The following SEPTIN9 variants were observed in gnomAD, a reference collection of about 807,000 sequenced individuals.
SEPTIN9 encodes septin-9.
In SEPTIN9, 13 loss-of-function variants were observed where a neutral mutation model predicts 56.6. The observed-to-expected ratio is 0.23, with a 90% CI of 0.15 to 0.37. The LOEUF (loss-of-function observed/expected upper bound fraction) is 0.37. Among genes scored for constraint, SEPTIN9 ranks in the 10% least tolerant of loss-of-function variants. The probability of loss-of-function intolerance (pLI) is 1.00; values close to 1 mark genes in which losing one functional copy is unlikely to be tolerated. For missense variants in SEPTIN9, 650 were observed against 823.1 expected (o/e 0.79, Z 2.57); for synonymous variants, 332 against 334.1 (o/e 0.99, Z 0.07).
At chr17:77,346,290 T>A (rs1415884352) in intron 2 of SEPTIN9, among the ~76,000 whole-genome samples, 19 of 144,048 alleles carry the variant, frequency 1.3e-4, no homozygotes, top group Non-Finnish European at 1.5e-4. Context: ...TTTTTTTTTT[T>A]TTTTTTTTTT....
intron 10 of SEPTIN9, among the ~76,000 whole-genome samples, chr17:77,496,637 G>C (rs1017864221): frequency 3.3e-5 from 5 of 152,260 alleles, no homozygotes; most frequent in Admixed American, 2.6e-4. Flanking sequence ...GTGGTCTCCT[G>C]CCCAGTCTCC....
chr17:77,292,559 TC>T (rs2031612990), intron 1 of SEPTIN9, among the ~76,000 whole-genome samples: 1 of 151,794 alleles, frequency 6.6e-6, no homozygotes, highest in Non-Finnish European at 1.5e-5. Context: ...AGTGGTGAGA[TC>T]CCAGCTCACT....
chr17:77,411,642 C>T (rs939628898), intron 3 of SEPTIN9, among the ~76,000 whole-genome samples: 1 of 151,726 alleles, frequency 6.6e-6, no homozygotes, highest in East Asian at 2.0e-4. Context: ...CCTTGAGATC[C>T]GCCCACCTCG....
chr17:77,383,194 C>CTCCT (rs1265029780), intron 2 of SEPTIN9, among the ~76,000 whole-genome samples: 8 of 151,204 alleles, frequency 5.3e-5, no homozygotes. Flanking sequence ...CTCTCCCTCC[C>CTCCT]TCCCTCTTGC....
chr17:77,307,984 G>A (rs1181297546), intron 2 of SEPTIN9, among the ~76,000 whole-genome samples: 2 of 152,224 alleles, frequency 1.3e-5, no homozygotes, highest in Non-Finnish European at 2.9e-5. Flanking sequence ...TAGTGCCTCT[G>A]TTTCTGGGAG....
At chr17:77,410,226 C>T (rs1264562310) in intron 3 of SEPTIN9, among the ~76,000 whole-genome samples, 5 of 152,122 alleles carry the variant, frequency 3.3e-5, no homozygotes, top group Non-Finnish European at 7.4e-5. Flanking sequence ...CTCCCCTGAC[C>T]CTGTCCCCCC....
chr17:77,283,406 G>T (rs1249183848), intron 1 of SEPTIN9, among the ~76,000 whole-genome samples: 1 of 152,036 alleles, frequency 6.6e-6, no homozygotes, highest in Non-Finnish European at 1.5e-5. Context: ...AGTGGGACTG[G>T]AGGGGGCTGA....
In SEPTIN9 at chr17:77,319,510, G is replaced by T. The variant is rs2032825410; in HGVS notation, c.76+12313G>T. On this transcript the variant is annotated intron_variant, in intron 2 of 11. Transcript: ENST00000427177. This position sits in a 1 kb window ranked among gnomAD's most constrained non-coding sequence, Gnocchi z 5.3. ...CGCCCTCTCTGCCTGGGCGGGGACG[G>T]CAACTGCCTCTGTCACTGCAGACTA... 3.8e-6 allele frequency: 4 copies of T among 1,039,268 alleles called. No homozygotes were observed. The highest frequency in any genetic ancestry group is 3.4e-5 in the African/African-American group (2 of 59,680). 64.4% of individuals were successfully genotyped at this position (1,039,268 alleles called of 1,614,324 possible).
intron 11 of SEPTIN9, chr17:77,497,647 C>T (rs1340704049): frequency 9.7e-5 from 52 of 536,502 alleles, no homozygotes; most frequent in Admixed American, 3.1e-5. Context: ...TAGAGCTGCC[C>T]GGTGGCCACT....
intron 3 of SEPTIN9, among the ~76,000 whole-genome samples, chr17:77,481,390 A>G (rs1399378988): frequency 7.3e-6 from 1 of 137,704 alleles, no homozygotes; most frequent in Non-Finnish European, 1.6e-5. Flanking sequence ...GGGGAGGCAG[A>G]TGTGGTGCAG....
chr17:77,295,078 C>T (rs139828686), intron 1 of SEPTIN9, among the ~76,000 whole-genome samples: 17 of 152,300 alleles, frequency 1.1e-4, no homozygotes, highest in Admixed American at 2.6e-4. Flanking sequence ...AGCAAGCCTC[C>T]GTTTCCACCT....
At chr17:77,316,957 G>A (rs1030658534) in intron 2 of SEPTIN9, among the ~76,000 whole-genome samples, 1 of 152,082 alleles carries the variant, frequency 6.6e-6, no homozygotes, top group African/African-American at 2.4e-5. Flanking sequence ...AACCAACAAG[G>A]AATATTATTT....
rs2035449239 is a variant in SEPTIN9, at chr17:77,389,250, G to T, written c.77-12809G>T. 6.6e-6 allele frequency among the ~76,000 whole-genome samples: 1 copy of T among 152,134 alleles called. No individual in the cohort carries two copies. Among genetic ancestry groups the T allele is most frequent in the Non-Finnish European group, 1.5e-5 (1 of 68,004 alleles). ...AGAGTCTGCTGTTGTTGGAGGGTCG[G>T]AAGTAGAGGGGAAGGAGGGGCACGC... is the stretch of plus-strand genomic sequence containing the variant. On this transcript the variant is annotated intron_variant, in intron 2 of 11. Transcript: ENST00000427177. This position sits in a 1 kb window ranked among gnomAD's most constrained non-coding sequence, Gnocchi z 4.3.
rs992885740 is a variant in SEPTIN9 at position 77,286,124 on chromosome 17, G to T, written c.19+4570G>T. Among the ~76,000 whole-genome samples, 126 of 152,254 alleles carry T rather than the reference G, an allele frequency of 8.3e-4. 1 individual carries two copies. The highest frequency in any genetic ancestry group is 2.6e-3 in the African/African-American group (108 of 41,460). ...CTGGAGAGAAAAAGCCACCTCGTAC[G>T]GTTAGTCTGTGGCTCTGTCTGACTT... On this transcript the variant is annotated intron_variant, in intron 1 of 11. Transcript: ENST00000427177.
chr17:77,475,403 C>T lies in SEPTIN9; in HGVS notation c.722-6741C>T, dbSNP rs1285498242. 4.1e-6 allele frequency: 6 copies of T among 1,456,436 alleles called. No individual in the cohort carries two copies. Among genetic ancestry groups the T allele is most frequent in the East Asian group, 4.9e-5 (2 of 40,926 alleles). 90.2% of individuals were successfully genotyped at this position (1,456,436 alleles called of 1,614,324 possible). ...AGATAGGAGAGGAGGAGGGAGCAGCCCTGGCCGGACACTGTCCTCCTAGCA... is the reference window on the plus strand; with the variant it reads ...AGATAGGAGAGGAGGAGGGAGCAGCTCTGGCCGGACACTGTCCTCCTAGCA... On this transcript the variant is annotated intron_variant, in intron 3 of 11. Transcript: ENST00000427177. This position sits in a 1 kb window ranked among gnomAD's most constrained non-coding sequence, Gnocchi z 4.6.
At chr17:77,373,793 T>G in intron 2 of SEPTIN9, 1 of 630,564 alleles carries the variant, frequency 1.6e-6, no homozygotes, top group Non-Finnish European at 2.4e-6. Context: ...CACAGGACCC[T>G]GTGCTCGTTC....
In SEPTIN9 at chr17:77,498,847, C is replaced by T; in HGVS notation, c.*189C>T. The T allele has an allele frequency of 1.6e-6, 1 of 626,682 alleles. No individual in the cohort carries two copies. The highest frequency in any genetic ancestry group is 1.5e-5 in the South Asian group (1 of 65,844). The allele number at this position is 626,682 out of a possible 1,614,324, so 38.8% of individuals were successfully genotyped here. ...TGAGTCAGTGATGAGGCCGCGGCCTCCCCGAGGTTGTGGGGAGGCTGCACT... is the reference window on the plus strand; with the variant it reads ...TGAGTCAGTGATGAGGCCGCGGCCTTCCCGAGGTTGTGGGGAGGCTGCACT... On this transcript the variant is annotated 3_prime_UTR_variant, in exon 12 of 12. Coordinates refer to ENST00000427177, the MANE Select transcript of SEPTIN9 (RefSeq NM_001113491.2).
intron 3 of SEPTIN9, among the ~76,000 whole-genome samples, chr17:77,452,129 G>C (rs551701249): frequency 6.6e-6 from 1 of 152,352 alleles, no homozygotes; most frequent in South Asian, 2.1e-4. Flanking sequence ...GGAGGAGCGG[G>C]GAGGGAGGGT....
chr17:77,422,758 G>A (rs897030749), intron 3 of SEPTIN9, among the ~76,000 whole-genome samples: 7 of 152,170 alleles, frequency 4.6e-5, no homozygotes, highest in African/African-American at 1.7e-4. Context: ...TGCTTCCAAA[G>A]TAGGACTCAG....
Sources: allele counts gnomAD v4.1 joint callset (sites outside exome capture counted in the v4.1 genomes callset), GRCh38; gene constraint gnomAD v4.1.1; non-coding constraint Gnocchi (gnomAD v3.1); transcripts MANE v1.5; gene names NCBI Gene and HGNC (gene_info 2026-07-23, HGNC 2026-07-21).